Variants in DPY19L3 observed in about 807,000 individuals in gnomAD.
The protein encoded by DPY19L3 is dpy-19 like C-mannosyltransferase 3, also known as protein C-mannosyl-transferase DPY19L3.
DPY19L3 carries 51 observed loss-of-function variants against 92.3 expected under a neutral mutation model. That is an observed-to-expected ratio of 0.55 (90% CI 0.44 to 0.70). DPY19L3 has a LOEUF of 0.70. DPY19L3 is among the 30% of genes least tolerant of loss of function. The probability of loss-of-function intolerance (pLI) is 0.00; values close to 1 mark genes in which losing one functional copy is unlikely to be tolerated. For synonymous variants in DPY19L3, 309 were observed against 315.2 expected, an observed-to-expected ratio of 0.98 and a Z score of 0.21; for missense variants, 706 against 855.9, an observed-to-expected ratio of 0.82 and a Z score of 2.18.
At chr19:32,430,771 C>G (rs1461476969) in intron 3 of DPY19L3, among the ~76,000 whole-genome samples, 3 of 150,092 alleles carry the variant, frequency 2.0e-5, no homozygotes, top group South Asian at 4.2e-4. Flanking sequence ...AGTTCAGGTG[C>G]ATGCCACTAT....
chr19:32,426,592 G>T (rs1484653581), intron 3 of DPY19L3, among the ~76,000 whole-genome samples: 2 of 152,198 alleles, frequency 1.3e-5, no homozygotes, highest in Admixed American at 6.5e-5. Context: ...TCAGGGAGCA[G>T]AGAGGCCTGG....
chr19:32,472,144 A>G (rs574787144), intron 16 of DPY19L3, among the ~76,000 whole-genome samples: 1 of 152,236 alleles, frequency 6.6e-6, no homozygotes, highest in South Asian at 2.1e-4. Flanking sequence ...TCAGTGGGAA[A>G]GTTTTTTTTA....
At chr19:32,451,371 C>T (rs1969694141) in intron 8 of DPY19L3, among the ~76,000 whole-genome samples, 2 of 152,056 alleles carry the variant, frequency 1.3e-5, no homozygotes, top group Non-Finnish European at 1.5e-5. Flanking sequence ...ATTGCTATTT[C>T]TTTTTTGTGT....
At position 32,432,773 on chromosome 19, in the gene DPY19L3, A is replaced by C; in HGVS notation, c.295A>C (p.Lys99Gln). The C allele has an allele frequency of 6.2e-7, 1 of 1,613,926 alleles. No individual in the cohort carries two copies. The highest frequency in any genetic ancestry group is 8.5e-7 in the Non-Finnish European group (1 of 1,179,934). The change falls in exon 4 of 19, where the codon AAG becomes CAG. Residue 99 changes from lysine (K) to glutamine (Q), a missense_variant. By Grantham distance (53) the Lys-to-Gln change is moderately conservative. Transcript: ENST00000392250. Reference sequence around the variant, plus strand: ...GTGTGGCCTGTATTACTCCTACTACAAGCAGATGCTGCAGGCTCCAACCCT... The same window carrying C: ...GTGTGGCCTGTATTACTCCTACTACCAGCAGATGCTGCAGGCTCCAACCCT... ...TECGLYYSYY[K>Q]QMLQAPTLVQ...
Position 32,419,336 on chromosome 19 carries a change from A to G in DPY19L3, c.237+7964A>G, listed in dbSNP as rs761241637. Among the ~76,000 whole-genome samples, 28 of 151,242 alleles carry G rather than the reference A, an allele frequency of 1.9e-4. 1 individual carries two copies. Among genetic ancestry groups the G allele is most frequent in the Non-Finnish European group, 2.5e-4 (17 of 67,842 alleles). On this transcript the variant is annotated intron_variant, in intron 3 of 18. Coordinates refer to ENST00000392250, the MANE Select transcript of DPY19L3 (RefSeq NM_001172774.2). The stretch of plus-strand genomic sequence containing the variant: ...CTGCCACGCCTGGCTAATTTTTTGT[A>G]TTTTTTAGTAGAGACGGAGTTTCAC...
chr19:32,469,452 C>T (rs949513357), intron 16 of DPY19L3, among the ~76,000 whole-genome samples: 4 of 149,776 alleles, frequency 2.7e-5, no homozygotes, highest in Non-Finnish European at 5.9e-5. Context: ...GTCAAGATCG[C>T]GCTACTACAC....
chr19:32,438,522 T>G (rs1051047158), intron 6 of DPY19L3, among the ~76,000 whole-genome samples: 1 of 152,284 alleles, frequency 6.6e-6, no homozygotes, highest in East Asian at 1.9e-4. Flanking sequence ...TATAGAGAGA[T>G]ATATGTAGAT....
intron 18 of DPY19L3, 154 bp downstream of exon 18, chr19:32,480,711 T>C (rs1970648491): frequency 9.3e-7 from 1 of 1,078,598 alleles, no homozygotes; most frequent in Non-Finnish European, 1.3e-6. Flanking sequence ...ACAGAAGCCC[T>C]CTCTTGGCAC....
chr19:32,414,965 A>C (rs1247846437), intron 3 of DPY19L3, among the ~76,000 whole-genome samples: 1 of 152,226 alleles, frequency 6.6e-6, no homozygotes, highest in Non-Finnish European at 1.5e-5. Context: ...CATTGAGTTC[A>C]ACACTGCAGA....
chr19:32,420,453 G>T (rs887332274), intron 3 of DPY19L3, among the ~76,000 whole-genome samples: 10 of 149,320 alleles, frequency 6.7e-5, no homozygotes, highest in Non-Finnish European at 1.3e-4. Context: ...GTTTTTTTTT[G>T]TTGTTGTTGT....
At chr19:32,428,454 G>A (rs2145459554) in intron 3 of DPY19L3, among the ~76,000 whole-genome samples, 1 of 152,242 alleles carries the variant, frequency 6.6e-6, no homozygotes, top group South Asian at 2.1e-4. Flanking sequence ...CATCATGGGT[G>A]AGTAGGAATA....
chr19:32,458,677 AAC>A (rs1226437164), intron 12 of DPY19L3, among the ~76,000 whole-genome samples, 168 bp downstream of exon 12: 1 of 152,220 alleles, frequency 6.6e-6, no homozygotes, highest in Non-Finnish European at 1.5e-5. Context: ...GTTAGGAGAC[AAC>A]AGAGTAATGA....
chr19:32,450,863 A>G (rs1029343465), intron 8 of DPY19L3, among the ~76,000 whole-genome samples: 1 of 152,216 alleles, frequency 6.6e-6, no homozygotes, highest in Non-Finnish European at 1.5e-5. Context: ...TGGTATATGA[A>G]TTATATCAAC....
chr19:32,463,596 C>T (rs1438151931), intron 13 of DPY19L3, 108 bp downstream of exon 13: 22 of 1,318,640 alleles, frequency 1.7e-5, no homozygotes, highest in Non-Finnish European at 2.2e-5. Context: ...TCATGGTTCC[C>T]ATAAAATCAT....
intron 3 of DPY19L3, among the ~76,000 whole-genome samples, chr19:32,421,059 T>C (rs1328009606): frequency 1.3e-5 from 2 of 152,236 alleles, no homozygotes; most frequent in Non-Finnish European, 2.9e-5. Context: ...TTTATAATTA[T>C]GTAAGTAGTT....
intron 3 of DPY19L3, among the ~76,000 whole-genome samples, chr19:32,421,182 A>G (rs1373609746): frequency 6.6e-6 from 1 of 152,204 alleles, no homozygotes; most frequent in Admixed American, 6.5e-5. Flanking sequence ...TTAAATCCTA[A>G]CAGTGCTTAC....
intron 8 of DPY19L3, among the ~76,000 whole-genome samples, chr19:32,447,633 T>C (rs1319295696): frequency 6.6e-6 from 1 of 152,004 alleles, no homozygotes; most frequent in Non-Finnish European, 1.5e-5. Flanking sequence ...GGAGAATCAC[T>C]TGAATCCAGT....
intron 10 of DPY19L3, among the ~76,000 whole-genome samples, 190 bp downstream of exon 10, chr19:32,455,230 G>A (rs1465323889): frequency 6.6e-6 from 1 of 152,078 alleles, no homozygotes; most frequent in Non-Finnish European, 1.5e-5. Context: ...AAGTTGCCGG[G>A]ACTACAAGTG....
In DPY19L3 at chr19:32,409,808, G is replaced by A. The variant is rs146811910; in HGVS notation, c.104-1431G>A. Among the ~76,000 whole-genome samples, 5 of 152,246 alleles carry A rather than the reference G, an allele frequency of 3.3e-5. No homozygotes were observed. In the East Asian group the frequency reaches 9.6e-4, roughly 29 times the overall value. ...ACTAACAGAATGAAAACTCAGTACT[G>A]CTAGAATCTCACCAACCTGTTTATA... is the stretch of plus-strand genomic sequence containing the variant. On this transcript the variant is annotated intron_variant, in intron 2 of 18. Coordinates refer to ENST00000392250, the MANE Select transcript of DPY19L3 (RefSeq NM_001172774.2).
Sources: gnomAD v4.1 joint callset for allele counts (sites outside exome capture counted in the v4.1 genomes callset) on GRCh38, gnomAD v4.1.1 for gene constraint, MANE v1.5 for transcripts, NCBI Gene and HGNC (gene_info 2026-07-23, HGNC 2026-07-21) for gene names.